The following SPATA3 variants were observed in gnomAD, a reference collection of about 807,000 sequenced individuals.
SPATA3 encodes spermatogenesis-associated protein 3.
SPATA3 carries 6 observed loss-of-function variants against 5.7 expected under a neutral mutation model. That is an observed-to-expected ratio of 1.06 (90% confidence interval 0.58 to 2.09). SPATA3 has a LOEUF of 2.09. Among genes scored for constraint, SPATA3 ranks in the 30% most tolerant of loss-of-function variants. SPATA3 has a pLI of 0.00. For missense variants in SPATA3, 155 were observed against 130.4 expected (o/e 1.19, Z -0.92); for synonymous variants, 44 against 48.4 (o/e 0.91, Z 0.37).
At chr2:231,018,991 G>T (rs1693004726) in intron 6 of SPATA3, among the ~76,000 whole-genome samples, 1 of 127,352 alleles carries the variant, frequency 7.9e-6, no homozygotes, top group Non-Finnish European at 1.6e-5. Flanking sequence ...TTTTGAGATG[G>T]AGTCTCACTC....
chr2:231,005,922 G>A (rs1344089871), downstream of SPATA3, among the ~76,000 whole-genome samples: 2 of 151,230 alleles, frequency 1.3e-5, no homozygotes, highest in Non-Finnish European at 2.9e-5. Context: ...CTAGACCTTT[G>A]GGAGGCCCAG....
Position 231,002,748 on chromosome 2 carries a change from T to C in SPATA3, c.1027T>C (p.Cys343Arg), listed in dbSNP as rs1182829457. 5 of 1,532,024 alleles carry C rather than the reference T, an allele frequency of 3.3e-6. No homozygotes were observed. The East Asian group carries it at 1.0e-4, about 31-fold the overall frequency. The allele number at this position is 1,532,024 out of a possible 1,614,324, so 94.9% of individuals were successfully genotyped here. The change falls in exon 3 of 3, where the codon TGT (cysteine) becomes CGT (arginine). Residue 343 changes from cysteine to arginine, a missense_variant. By Grantham distance (180) the Cys-to-Arg change is radical. Transcript: ENST00000645363. ...TCCTCCAAGCCCTCGGAACTGTGGC[T>C]GTGGCTCTGGGGGCTCTAGGAGCTG...
chr2:231,007,440 G>A (rs1692669231), downstream of SPATA3, among the ~76,000 whole-genome samples: 1 of 152,130 alleles, frequency 6.6e-6, no homozygotes, highest in Non-Finnish European at 1.5e-5. Flanking sequence ...ACCCCCGGTG[G>A]AGCAGCTTTC....
At chr2:231,010,221 C>A (rs1487577784), downstream of SPATA3, among the ~76,000 whole-genome samples, 1 of 152,162 alleles carries the variant, frequency 6.6e-6, no homozygotes, top group East Asian at 1.9e-4. Flanking sequence ...CACATGGGAG[C>A]CTTCAGAATG....
At chr2:231,017,015 T>C (rs1303709769) in intron 6 of SPATA3, among the ~76,000 whole-genome samples, 1 of 152,274 alleles carries the variant, frequency 6.6e-6, no homozygotes, top group Non-Finnish European at 1.5e-5. Flanking sequence ...AATCTTTCTA[T>C]GTAATATCTC....
chr2:231,000,992 T>C (rs1692333032), intron 2 of SPATA3, among the ~76,000 whole-genome samples: 1 of 152,210 alleles, frequency 6.6e-6, no homozygotes, highest in South Asian at 2.1e-4. Context: ...CAGAATTTAA[T>C]GATAAAAAAC....
downstream of SPATA3, among the ~76,000 whole-genome samples, chr2:231,006,001 A>AC (rs1491487148): frequency 1.4e-4 from 2 of 14,442 alleles, no homozygotes; most frequent in African/African-American, 6.0e-4. Flanking sequence ...TTGTCTCTAC[A>AC]AAAAAAAAAA....
At chr2:230,996,815 G>T (rs941708324) in intron 1 of SPATA3, among the ~76,000 whole-genome samples, 14 of 152,154 alleles carry the variant, frequency 9.2e-5, no homozygotes, top group African/African-American at 2.9e-4. Context: ...AATCAGCAGT[G>T]CCATGCAACT....
downstream of SPATA3, among the ~76,000 whole-genome samples, chr2:231,005,535 T>G (rs202101220): frequency 1.4e-5 from 1 of 69,490 alleles, no homozygotes; most frequent in Admixed American, 1.4e-4. Context: ...ACCACCATCA[T>G]CACCACCATC....
intron 6 of SPATA3, among the ~76,000 whole-genome samples, chr2:231,017,492 C>T (rs1692962459): frequency 2.0e-5 from 3 of 152,316 alleles, no homozygotes; most frequent in Middle Eastern, 6.8e-3. Flanking sequence ...AGTTGACATC[C>T]CCACCAATGA....
At chr2:231,017,597 T>G (rs763415793) in intron 6 of SPATA3, among the ~76,000 whole-genome samples, 3 of 152,248 alleles carry the variant, frequency 2.0e-5, no homozygotes, top group Admixed American at 6.5e-5. Context: ...TTAGCTTCCC[T>G]TGAAGTGAGT....
chr2:231,005,322 TCACCATCATCACCATCACCATCATCAC>T (rs1692548945), downstream of SPATA3, among the ~76,000 whole-genome samples: 1 of 14,808 alleles, frequency 6.8e-5, no homozygotes, highest in Non-Finnish European at 1.4e-4. Context: ...ACCATCATCA[TCACCATCATCACCATCACCATCATCAC>T]CATCACCACC....
At chr2:231,005,528 A>G (rs1221567802), downstream of SPATA3, among the ~76,000 whole-genome samples, 2 of 30,808 alleles carry the variant, frequency 6.5e-5, no homozygotes, top group African/African-American at 1.4e-4. Context: ...CACCACCACC[A>G]CCATCATCAC....
chr2:231,000,665 TC>T, intron 2 of SPATA3, 128 bp downstream of exon 2: 1 of 1,081,268 alleles, frequency 9.2e-7, no homozygotes, highest in African/African-American at 1.6e-5. Flanking sequence ...AGCCTTTCTT[TC>T]CCTCTTTGCT....
chr2:230,999,725 G>T (rs1015703673), intron 1 of SPATA3: 1 of 169,190 alleles, frequency 5.9e-6, no homozygotes. Context: ...TAGAGCTGTG[G>T]TTGTCTTCTG....
chr2:231,015,255 G>A (rs1004198849), intron 6 of SPATA3, among the ~76,000 whole-genome samples: 1 of 103,954 alleles, frequency 9.6e-6, no homozygotes, highest in Non-Finnish European at 1.9e-5. Flanking sequence ...CTATCGTTTT[G>A]GCTTTTTTTT....
chr2:231,006,626 C>G (rs945681509), downstream of SPATA3: 14 of 152,228 alleles, frequency 9.2e-5, no homozygotes, highest in African/African-American at 3.4e-4. Context: ...TAGGGGAGGG[C>G]GATGGAGGTG....
chr2:231,014,756 G>A (rs932236323), intron 6 of SPATA3, among the ~76,000 whole-genome samples: 7 of 152,256 alleles, frequency 4.6e-5, no homozygotes, highest in Admixed American at 3.3e-4. Flanking sequence ...TGTAGAGGGT[G>A]AGAATGGGGG....
chr2:231,007,400 G>C (rs577237582), downstream of SPATA3: 1 of 152,224 alleles, frequency 6.6e-6, no homozygotes, highest in Non-Finnish European at 1.5e-5. Context: ...AAGCAGAACT[G>C]GTGCCTGTCA....
Sources: allele counts gnomAD v4.1 joint callset (sites outside exome capture counted in the v4.1 genomes callset), GRCh38; gene constraint gnomAD v4.1.1; transcripts MANE v1.5; gene names NCBI Gene and HGNC (gene_info 2026-07-23, HGNC 2026-07-21).